AGMO: variants seen among roughly 807,000 people sequenced by gnomAD.
AGMO encodes alkylglycerol monooxygenase.
AGMO carries 75 observed loss-of-function variants against 60.2 expected under a neutral mutation model. That is an observed-to-expected ratio of 1.25 (90% CI 1.03 to 1.51). AGMO has a LOEUF of 1.51. AGMO is among the 40% of genes most tolerant of loss of function. The pLI, the probability that AGMO is intolerant of heterozygous loss-of-function variation, is 0.00. For synonymous variants in AGMO, 261 were observed against 177.1 expected (o/e 1.47, Z -3.76); for missense variants, 763 against 525.5 (o/e 1.45, Z -4.42).
chr7:15,239,281 C>G (rs556765819), intron 12 of AGMO, among the ~76,000 whole-genome samples: 2 of 151,968 alleles, frequency 1.3e-5, no homozygotes, highest in Admixed American at 1.3e-4. Context: ...TCCATAGGAA[C>G]GTTTAGATAA....
chr7:15,547,720 G>T (rs967805770), intron 2 of AGMO, among the ~76,000 whole-genome samples: 3 of 152,018 alleles, frequency 2.0e-5, no homozygotes, highest in Non-Finnish European at 4.4e-5. Context: ...AAACTGCAAG[G>T]CGGCAGCGAG....
At chr7:15,248,216 A>ATATATATATC (rs1563053860) in intron 12 of AGMO, among the ~76,000 whole-genome samples, 14 of 107,724 alleles carry the variant, frequency 1.3e-4, no homozygotes, top group Non-Finnish European at 2.4e-4. Flanking sequence ...ATATATATAT[A>ATATATATATC]TATATATATC....
intron 12 of AGMO, among the ~76,000 whole-genome samples, chr7:15,280,689 A>AT (rs1783937763): frequency 1.3e-5 from 2 of 152,336 alleles, no homozygotes; most frequent in South Asian, 4.1e-4. Flanking sequence ...AACACGGTCC[A>AT]TCACAGCATC....
At chr7:15,460,925 T>A (rs1782126397) in intron 3 of AGMO, among the ~76,000 whole-genome samples, 2 of 152,192 alleles carry the variant, frequency 1.3e-5, no homozygotes, top group Non-Finnish European at 2.9e-5. Context: ...ATATGATTCC[T>A]TCCCTGAGTC....
At position 15,532,407 on chromosome 7, in the gene AGMO, A is replaced by C. The variant is rs142644836; in HGVS notation, c.409+12365T>G. ...GCTCTGAGAGTTGGGCAAGTTGCTTAAATTTGCTTTGTTTTGGTTTCCTCT... is the reference window on the plus strand; with the variant it reads ...GCTCTGAGAGTTGGGCAAGTTGCTTCAATTTGCTTTGTTTTGGTTTCCTCT... On this transcript the variant is annotated intron_variant, in intron 3 of 12. Transcript: ENST00000342526. 4.7e-3 allele frequency among the ~76,000 whole-genome samples: 715 copies of C among 152,310 alleles called. 6 individuals are homozygous for C. The highest frequency in any genetic ancestry group is 0.016 in the African/African-American group (671 of 41,580).
intron 12 of AGMO, among the ~76,000 whole-genome samples, chr7:15,319,641 A>G (rs1283600710): frequency 6.6e-6 from 1 of 152,136 alleles, no homozygotes; most frequent in Non-Finnish European, 1.5e-5. Flanking sequence ...ACTTATTTCC[A>G]TGAATTAAAC....
chr7:15,486,271 C>T (rs1394643139), intron 3 of AGMO, among the ~76,000 whole-genome samples: 3 of 151,992 alleles, frequency 2.0e-5, no homozygotes, highest in South Asian at 2.1e-4. Flanking sequence ...CTGACAGTAA[C>T]GGGTACCATT....
intron 12 of AGMO, among the ~76,000 whole-genome samples, chr7:15,277,626 G>A (rs1208231393): frequency 6.6e-6 from 1 of 151,978 alleles, no homozygotes; most frequent in Non-Finnish European, 1.5e-5. Flanking sequence ...CTTTAGCCCT[G>A]TGCACTTCTG....
intron 12 of AGMO, among the ~76,000 whole-genome samples, chr7:15,354,320 A>ATACACACGTGTG (rs1782372711): frequency 1.4e-5 from 1 of 73,042 alleles, no homozygotes; most frequent in Non-Finnish European, 2.5e-5. Flanking sequence ...ACACGCGTGT[A>ATACACACGTGTG]TATACGTACG....
intron 12 of AGMO, among the ~76,000 whole-genome samples, chr7:15,349,550 A>AC (rs1782158658): frequency 6.6e-6 from 1 of 152,050 alleles, no homozygotes; most frequent in Non-Finnish European, 1.5e-5. Context: ...CCCAATACCT[A>AC]CCTCATTTCT....
At chr7:15,247,425 C>A (rs1016686266) in intron 12 of AGMO, among the ~76,000 whole-genome samples, 1 of 94,942 alleles carries the variant, frequency 1.1e-5, no homozygotes, top group Non-Finnish European at 2.1e-5. Flanking sequence ...CACACACACA[C>A]ACACACACAC....
In AGMO at chr7:15,551,139, A is replaced by C. The variant is rs1375730148; in HGVS notation, c.258-6216T>G. 2.0e-5 allele frequency among the ~76,000 whole-genome samples: 3 copies of C among 152,220 alleles called. No individual in the cohort carries two copies. The East Asian group carries it at 5.8e-4, about 29-fold the overall frequency. On this transcript the variant is annotated intron_variant, in intron 2 of 12. Transcript: ENST00000342526. Reference sequence around the variant, plus strand: ...ACAATCCTTCATGCTAAAAGCTCTCAATAAATTAGATATTGATGGGACGTA... The same window carrying C: ...ACAATCCTTCATGCTAAAAGCTCTCCATAAATTAGATATTGATGGGACGTA...
At position 15,558,721 on chromosome 7, in the gene AGMO, C is replaced by G. The variant is rs560053170; in HGVS notation, c.257+1420G>C. Reference sequence around the variant, plus strand: ...CTTCTACTATATACCTAATAATGCACTTTTCTCAAACACTTATTGAAAAAA... The same window carrying G: ...CTTCTACTATATACCTAATAATGCAGTTTTCTCAAACACTTATTGAAAAAA... On this transcript the variant is annotated intron_variant, in intron 2 of 12. Coordinates refer to ENST00000342526, the MANE Select transcript of AGMO (RefSeq NM_001004320.2). Among the ~76,000 whole-genome samples the G allele has an allele frequency of 3.9e-5, 6 of 152,080 alleles. 1 individual carries two copies. The highest frequency in any genetic ancestry group is 1.4e-4 in the African/African-American group (6 of 41,494).
intron 10 of AGMO, among the ~76,000 whole-genome samples, chr7:15,377,834 A>T (rs1292758162): frequency 6.6e-6 from 1 of 152,004 alleles, no homozygotes; most frequent in Non-Finnish European, 1.5e-5. Context: ...GACCTTACTT[A>T]AACAAATATG....
chr7:15,484,664 A>C (rs1230305862), intron 3 of AGMO, among the ~76,000 whole-genome samples: 1 of 152,222 alleles, frequency 6.6e-6, no homozygotes, highest in Non-Finnish European at 1.5e-5. Flanking sequence ...AATCCAAAAA[A>C]AGACACGGCA....
intron 10 of AGMO, among the ~76,000 whole-genome samples, chr7:15,383,778 C>G (rs903483242): frequency 1.4e-4 from 21 of 151,898 alleles, no homozygotes; most frequent in Admixed American, 6.6e-4. Flanking sequence ...TTAATCCTAT[C>G]TTTATTCATT....
chr7:15,424,152 C>G (rs907588322), intron 4 of AGMO, among the ~76,000 whole-genome samples: 1 of 152,106 alleles, frequency 6.6e-6, no homozygotes, highest in Non-Finnish European at 1.5e-5. Flanking sequence ...CATAGCGGTT[C>G]TCAGTGCAAA....
At chr7:15,286,690 A>G (rs913937833) in intron 12 of AGMO, among the ~76,000 whole-genome samples, 3 of 152,128 alleles carry the variant, frequency 2.0e-5, no homozygotes, top group African/African-American at 7.2e-5. Flanking sequence ...CTAAAAGAAG[A>G]TCTAGCATTG....
Position 15,561,924 on chromosome 7 carries a change from G to T in AGMO, c.-79C>A. On this transcript the variant is annotated 5_prime_UTR_variant, in exon 1 of 13. Coordinates refer to ENST00000342526, the MANE Select transcript of AGMO (RefSeq NM_001004320.2). Reference sequence around the variant, plus strand: ...GCCTGAGGCTGAACAAAGAGGACGAGATGTGCAGCTCAGAACAAGCTCTTT... The same window carrying T: ...GCCTGAGGCTGAACAAAGAGGACGATATGTGCAGCTCAGAACAAGCTCTTT... 6.9e-7 allele frequency: 1 copy of T among 1,452,956 alleles called. No homozygotes were observed. The highest frequency in any genetic ancestry group is 9.3e-7 in the Non-Finnish European group (1 of 1,075,954). The allele number at this position is 1,452,956 out of a possible 1,614,324, so 90.0% of individuals were successfully genotyped here.
Sources: allele counts gnomAD v4.1 joint callset (sites outside exome capture counted in the v4.1 genomes callset), GRCh38; gene constraint gnomAD v4.1.1; transcripts MANE v1.5; gene names NCBI Gene and HGNC (gene_info 2026-07-23, HGNC 2026-07-21).